Variants in ZNF490 observed in about 807,000 individuals in gnomAD.
ZNF490 encodes the protein zinc finger protein 490.
ZNF490 carries 11 observed loss-of-function variants against 17.7 expected under a neutral mutation model. That is an observed-to-expected ratio of 0.62 (90% CI 0.39 to 1.03). The LOEUF is 1.03. Ranked by LOEUF, ZNF490 falls within the 50% of genes least tolerant of loss-of-function variation. The pLI is 0.00. For synonymous variants in ZNF490, 222 were observed against 216.1 expected (o/e 1.03, Z -0.24); for missense variants, 542 against 643.4 (o/e 0.84, Z 1.71).
chr19:12,578,665 T>A lies in ZNF490; in HGVS notation c.*1820A>T, dbSNP rs775367599. The stretch of plus-strand genomic sequence containing the variant: ...GAACCTTTGTCTTAGAAGTACAGCA[T>A]TCCCACAGTCTGACCCGAGGACACT... On this transcript the variant is annotated 3_prime_UTR_variant, in exon 5 of 5. Transcript: ENST00000311437. 8 of 985,470 alleles carry A rather than the reference T, an allele frequency of 8.1e-6. No homozygotes were observed. The highest frequency in any genetic ancestry group is 9.6e-6 in the Non-Finnish European group (8 of 829,958). 61.0% of individuals were successfully genotyped at this position (985,470 alleles called of 1,614,324 possible).
In ZNF490 at chr19:12,578,994, C is replaced by T. The variant is rs1208374843; in HGVS notation, c.*1491G>A. ...GGAGGCCGGGCGCGGTGGCTCACGC[C>T]TATAATCCCAGCACTTTGGGAGGCC... is the stretch of plus-strand genomic sequence containing the variant. On this transcript the variant is annotated 3_prime_UTR_variant, in exon 5 of 5. Transcript: ENST00000311437. The T allele has an allele frequency of 1.0e-6, 1 of 983,154 alleles. No individual in the cohort carries two copies. Among genetic ancestry groups the T allele is most frequent in the South Asian group, 4.7e-5 (1 of 21,260 alleles). The allele number at this position is 983,154 out of a possible 1,614,324, so 60.9% of individuals were successfully genotyped here.
intron 2 of ZNF490, among the ~76,000 whole-genome samples, chr19:12,602,933 G>T (rs1331634520): frequency 1.3e-5 from 2 of 151,896 alleles, no homozygotes; most frequent in Non-Finnish European, 2.9e-5. Context: ...GCCCCATCAT[G>T]GGTTTTTCTT....
rs893348965 is a variant in ZNF490, at chr19:12,576,186, G to T, written c.*4299C>A. Among the ~76,000 whole-genome samples the T allele has an allele frequency of 2.0e-5, 3 of 151,974 alleles. No homozygotes were observed. Among genetic ancestry groups the T allele is most frequent in the African/African-American group, 4.8e-5 (2 of 41,358 alleles). ...CCAGCTCCATTCAGTGTTAAGGGGG[G>T]TGCTCCCAGGGAAATCAGGCAAGAA... is the stretch of plus-strand genomic sequence containing the variant. On this transcript the variant is annotated 3_prime_UTR_variant, in exon 5 of 5. Coordinates refer to ENST00000311437, the MANE Select transcript of ZNF490 (RefSeq NM_020714.3).
rs2022679498 is a variant in ZNF490, at chr19:12,578,854, T to G, written c.*1631A>C. The G allele has an allele frequency of 2.0e-6, 2 of 985,468 alleles. No individual in the cohort carries two copies. Among genetic ancestry groups the G allele is most frequent in the Non-Finnish European group, 2.4e-6 (2 of 829,970 alleles). 61.0% of individuals were successfully genotyped at this position (985,468 alleles called of 1,614,324 possible). The stretch of plus-strand genomic sequence containing the variant: ...TCCTTCTTCCCCATTCCTTTAATTC[T>G]TCCTACGAAGAATCTCGACAATGGT... On this transcript the variant is annotated 3_prime_UTR_variant, in exon 5 of 5. Coordinates refer to ENST00000311437, the MANE Select transcript of ZNF490 (RefSeq NM_020714.3).
At position 12,590,697 on chromosome 19, in the gene ZNF490, A is replaced by C. The variant is rs542775308; in HGVS notation, c.163-7141T>G. 7.2e-5 allele frequency among the ~76,000 whole-genome samples: 11 copies of C among 152,340 alleles called. No individual in the cohort carries two copies. In the East Asian group the frequency reaches 1.9e-3, roughly 27 times the overall value. ...AAAGAAAATTCCTGGAACCAATAAGAGCAAGGTTGAAGGACACAAGCTCAA... is the reference window on the plus strand; with the variant it reads ...AAAGAAAATTCCTGGAACCAATAAGCGCAAGGTTGAAGGACACAAGCTCAA... On this transcript the variant is annotated intron_variant, in intron 2 of 4. Coordinates refer to ENST00000311437, the MANE Select transcript of ZNF490 (RefSeq NM_020714.3).
In ZNF490 at chr19:12,581,242, T is replaced by C. The variant is rs756346623; in HGVS notation, c.833A>G (p.Tyr278Cys). ...GGCTTTTCCACACTGTTTACATTTG[T>C]AGGGTTTCTCTCCAGTGTGATTTTT... is the stretch of plus-strand genomic sequence containing the variant. ...HEKNHTGEKP[Y>C]KCKQCGKAFI... The change falls in exon 5 of 5, where the codon TAC becomes TGC. Residue 278 changes from tyrosine (Y) to cysteine (C), a missense_variant. By Grantham distance (194) the Tyr-to-Cys change is radical (BLOSUM62 -2). Transcript: ENST00000311437. 6.2e-7 allele frequency: 1 copy of C among 1,614,112 alleles called. No homozygotes were observed. Among genetic ancestry groups the C allele is most frequent in the Admixed American group, 1.7e-5 (1 of 60,016 alleles).
At chr19:12,588,948 C>T (rs751434213) in intron 2 of ZNF490, among the ~76,000 whole-genome samples, 7 of 152,102 alleles carry the variant, frequency 4.6e-5, no homozygotes, top group Non-Finnish European at 1.0e-4. Context: ...AAAAGGAGTG[C>T]CTGGCTGAAA....
intron 2 of ZNF490, among the ~76,000 whole-genome samples, chr19:12,597,751 T>G (rs1456993335): frequency 6.6e-6 from 1 of 152,150 alleles, no homozygotes; most frequent in Admixed American, 6.6e-5. Flanking sequence ...TCCTCAATCT[T>G]CCTGATGTTG....
intron 1 of ZNF490, chr19:12,609,896 G>A (rs758772606): frequency 6.6e-6 from 3 of 454,290 alleles, no homozygotes; most frequent in South Asian, 4.7e-5. Flanking sequence ...ACACTCTTTG[G>A]GTGATGGGTG....
At chr19:12,582,209 T>A (rs928681899) in intron 4 of ZNF490, among the ~76,000 whole-genome samples, 6 of 151,810 alleles carry the variant, frequency 4.0e-5, no homozygotes, top group African/African-American at 1.5e-4. Context: ...CCAGGATTTT[T>A]AAATGCTGTT....
chr19:12,604,685 G>A (rs561284656), intron 2 of ZNF490, among the ~76,000 whole-genome samples: 2 of 150,038 alleles, frequency 1.3e-5, no homozygotes, highest in African/African-American at 2.5e-5. Context: ...TTAGCCAGGC[G>A]TGGTGGTGGG....
In ZNF490 at chr19:12,578,503, G is replaced by A. The variant is rs939842893; in HGVS notation, c.*1982C>T. On this transcript the variant is annotated 3_prime_UTR_variant, in exon 5 of 5. Coordinates refer to ENST00000311437, the MANE Select transcript of ZNF490 (RefSeq NM_020714.3). ...TTCAGATGTGAATGTTTAAACAAGTGTCCAAAGTGTAGGTTTGAGATGGGA... is the reference window on the plus strand; with the variant it reads ...TTCAGATGTGAATGTTTAAACAAGTATCCAAAGTGTAGGTTTGAGATGGGA... 1.0e-6 allele frequency: 1 copy of A among 985,314 alleles called. No homozygotes were observed. The highest frequency in any genetic ancestry group is 1.7e-5 in the African/African-American group (1 of 57,222). The allele number at this position is 985,314 out of a possible 1,614,324, so 61.0% of individuals were successfully genotyped here.
At position 12,584,400 on chromosome 19, in the gene ZNF490, C is replaced by T. The variant is rs1178283352; in HGVS notation, c.163-844G>A. Reference sequence around the variant, plus strand: ...CTTGATCTCCTGACCTCGTGAATCGCCCCCCTCGGCCTCCCAAAGTGCTGG... The same window carrying T: ...CTTGATCTCCTGACCTCGTGAATCGTCCCCCTCGGCCTCCCAAAGTGCTGG... On this transcript the variant is annotated intron_variant, in intron 2 of 4. Coordinates refer to ENST00000311437, the MANE Select transcript of ZNF490 (RefSeq NM_020714.3). Among the ~76,000 whole-genome samples the T allele has an allele frequency of 4.3e-5, 4 of 92,456 alleles. 2 individuals are homozygous for T. The highest frequency in any genetic ancestry group is 1.2e-4 in the Non-Finnish European group (4 of 34,530). The allele number at this position is 92,456 out of a possible 152,430, so 60.7% of individuals were successfully genotyped here.
chr19:12,605,196 T>TA (rs1281287116), intron 2 of ZNF490, among the ~76,000 whole-genome samples: 2 of 152,014 alleles, frequency 1.3e-5, no homozygotes, highest in Non-Finnish European at 2.9e-5. Context: ...ATATCCTTTG[T>TA]AAGACTAGGC....
intron 2 of ZNF490, among the ~76,000 whole-genome samples, chr19:12,598,841 G>A (rs1057396736): frequency 8.6e-5 from 13 of 151,816 alleles, no homozygotes; most frequent in Non-Finnish European, 2.9e-5. Context: ...ACAAAAATTA[G>A]CTAGGCATGG....
chr19:12,603,758 C>A (rs1439222115), intron 2 of ZNF490, among the ~76,000 whole-genome samples: 1 of 148,232 alleles, frequency 6.7e-6, no homozygotes, highest in East Asian at 2.0e-4. Flanking sequence ...GCCACTGTCA[C>A]TGGGTGACAG....
chr19:12,588,108 G>A (rs1568279383), intron 2 of ZNF490, among the ~76,000 whole-genome samples: 1 of 31,600 alleles, frequency 3.2e-5, no homozygotes, highest in Admixed American at 2.7e-4. Context: ...GACCTCAGGC[G>A]ATCCGCCTGC....
At position 12,580,715 on chromosome 19, in the gene ZNF490, C is replaced by T. The variant is rs143593697; in HGVS notation, c.1360G>A (p.Val454Ile). Reference sequence around the variant, plus strand: ...CGAAGGTGACTGAAGTAAATGAAGACCCGACCACACTGTTTGCATTCATAG... The same window carrying T: ...CGAAGGTGACTGAAGTAAATGAAGATCCGACCACACTGTTTGCATTCATAG... ...KPYECKQCGRVFIYFSHLRRH... is the reference protein window; with the variant it reads ...KPYECKQCGRIFIYFSHLRRH... Residue 454 changes from valine (V) to isoleucine (I), a missense_variant, in exon 5 of 5, where the codon GTC becomes ATC. Coordinates refer to ENST00000311437, the MANE Select transcript of ZNF490 (RefSeq NM_020714.3). 38 of 1,614,110 alleles carry T rather than the reference C, an allele frequency of 2.4e-5. No homozygotes were observed. The African/African-American group carries it at 4.8e-4, about 20-fold the overall frequency.
At chr19:12,610,268 G>C (rs2023130443) in intron 1 of ZNF490, among the ~76,000 whole-genome samples, 1 of 150,462 alleles carries the variant, frequency 6.6e-6, no homozygotes, top group African/African-American at 2.5e-5. Flanking sequence ...CAAACTCCTG[G>C]AGTCAAGCGA....
Sources: gnomAD v4.1 joint callset for allele counts (sites outside exome capture counted in the v4.1 genomes callset) on GRCh38, gnomAD v4.1.1 for gene constraint, MANE v1.5 for transcripts, NCBI Gene and HGNC (gene_info 2026-07-23, HGNC 2026-07-21) for gene names.